ARB2A: variants seen among roughly 807,000 people sequenced by gnomAD.
ARB2A encodes cotranscriptional regulator ARB2A.
the ARB2A span, among the ~76,000 whole-genome samples, chr5:93,799,079 C>G: frequency 1.3e-5 from 2 of 152,048 alleles, no homozygotes; most frequent in African/African-American, 4.8e-5. Flanking sequence ...GAAATTATGT[C>G]AAATTATTCA....
chr5:94,107,554 G>C, the ARB2A span, among the ~76,000 whole-genome samples: 1 of 148,840 alleles, frequency 6.7e-6, no homozygotes, highest in East Asian at 2.0e-4. Flanking sequence ...AAAAGACGTT[G>C]TTACCTTGAA....
chr5:93,938,378 T>C, the ARB2A span, among the ~76,000 whole-genome samples: 2 of 152,202 alleles, frequency 1.3e-5, no homozygotes, highest in Non-Finnish European at 2.9e-5. Flanking sequence ...ATAAACAGAA[T>C]AGCACTGAGA....
chr5:93,800,754 T>G, the ARB2A span, among the ~76,000 whole-genome samples: 5 of 152,146 alleles, frequency 3.3e-5, no homozygotes, highest in African/African-American at 1.2e-4. Context: ...GATTTCAAGC[T>G]ATAATTATCG....
the ARB2A span, among the ~76,000 whole-genome samples, chr5:93,828,553 C>T: frequency 6.6e-6 from 1 of 152,128 alleles, no homozygotes; most frequent in African/African-American, 2.4e-5. Flanking sequence ...CTCAAGCCAC[C>T]ATCATTTCAC....
the ARB2A span, among the ~76,000 whole-genome samples, chr5:93,695,000 A>G: frequency 4.1e-4 from 62 of 152,324 alleles, no homozygotes; most frequent in Non-Finnish European, 6.6e-4. Context: ...AGAAAACTGA[A>G]ACTGGACCCC....
At chr5:93,854,684 T>A in the ARB2A span, among the ~76,000 whole-genome samples, 1 of 152,228 alleles carries the variant, frequency 6.6e-6, no homozygotes, top group Admixed American at 6.5e-5. Context: ...TCAAAGAACA[T>A]CTTTATTTCT....
At chr5:93,636,887 C>T in the ARB2A span, among the ~76,000 whole-genome samples, 2 of 151,596 alleles carry the variant, frequency 1.3e-5, no homozygotes, top group African/African-American at 2.4e-5. Flanking sequence ...AGTGTAGATT[C>T]ATATGCAGTT....
chr5:94,017,790 A>T, the ARB2A span, among the ~76,000 whole-genome samples: 1 of 152,150 alleles, frequency 6.6e-6, no homozygotes, highest in African/African-American at 2.4e-5. Context: ...GTAGCCTGGA[A>T]GTGGATGACT....
At chr5:94,069,041 G>GATAGATAGATAT in the ARB2A span, among the ~76,000 whole-genome samples, 8 of 137,966 alleles carry the variant, frequency 5.8e-5, no homozygotes, top group African/African-American at 1.9e-4. Context: ...GTCTTAAAAA[G>GATAGATAGATAT]ATAGATAGAT....
chr5:93,852,200 GC>G, the ARB2A span, among the ~76,000 whole-genome samples: 1 of 152,084 alleles, frequency 6.6e-6, no homozygotes, highest in African/African-American at 2.4e-5. Flanking sequence ...TTCTCTGATG[GC>G]CAGTGATGGT....
the ARB2A span, among the ~76,000 whole-genome samples, chr5:93,769,169 G>A: frequency 8.5e-5 from 13 of 152,152 alleles, no homozygotes; most frequent in South Asian, 2.1e-4. Flanking sequence ...TTAAATAAGC[G>A]TGTATGTTTA....
At chr5:93,888,760 T>C in the ARB2A span, among the ~76,000 whole-genome samples, 124,114 of 151,730 alleles carry the variant, frequency 0.82, 51,128 homozygotes, top group East Asian at 0.95. Flanking sequence ...CTTTCTCTTT[T>C]TTCTTTCAAT....
the ARB2A span, among the ~76,000 whole-genome samples, chr5:93,670,276 C>G: frequency 6.6e-6 from 1 of 152,160 alleles, no homozygotes; most frequent in African/African-American, 2.4e-5. Flanking sequence ...GATCACTATC[C>G]AACTCAAGAC....
chr5:93,631,616 A>G, the ARB2A span, among the ~76,000 whole-genome samples: 6 of 152,214 alleles, frequency 3.9e-5, no homozygotes, highest in Admixed American at 3.9e-4. Context: ...TAGTCCCAAC[A>G]CACTTAGCAA....
the ARB2A span, among the ~76,000 whole-genome samples, chr5:93,792,495 A>G: frequency 6.6e-6 from 1 of 152,116 alleles, no homozygotes; most frequent in Non-Finnish European, 1.5e-5. Flanking sequence ...CTCATATTTT[A>G]GGAAAGAAGG....
chr5:93,899,894 A>G, the ARB2A span, among the ~76,000 whole-genome samples: 1 of 152,206 alleles, frequency 6.6e-6, no homozygotes, highest in Non-Finnish European at 1.5e-5. Context: ...AGTAAATATT[A>G]GCACAAACAT....
At chr5:94,055,997 T>C in the ARB2A span, 33 of 767,720 alleles carry the variant, frequency 4.3e-5, no homozygotes, top group Middle Eastern at 1.3e-3. Flanking sequence ...TCCTATGAAA[T>C]AGTAACAAGT....
At chr5:93,882,511 T>A in the ARB2A span, among the ~76,000 whole-genome samples, 1 of 151,440 alleles carries the variant, frequency 6.6e-6, no homozygotes, top group South Asian at 2.1e-4. Context: ...AAAACATGTT[T>A]TCCTGTCTCA....
the ARB2A span, among the ~76,000 whole-genome samples, chr5:93,633,043 CA>C: frequency 6.6e-6 from 1 of 152,166 alleles, no homozygotes; most frequent in Admixed American, 6.5e-5. Flanking sequence ...ACCCTCCAGG[CA>C]GGCTCTTCTA....
Sources: allele counts gnomAD v4.1 joint callset (sites outside exome capture counted in the v4.1 genomes callset), GRCh38; gene constraint gnomAD v4.1.1; transcripts MANE v1.5; gene names NCBI Gene and HGNC (gene_info 2026-07-23, HGNC 2026-07-21).